HMOX2: variants seen among roughly 807,000 people sequenced by gnomAD.
HMOX2 encodes heme oxygenase (decycling) 2.
A neutral mutation model predicts 33.7 loss-of-function variants in HMOX2; 30 were observed. The observed-to-expected ratio is 0.89, with a 90% CI of 0.67 to 1.21. The LOEUF is 1.21. Among genes scored for constraint, HMOX2 ranks in the 50% most tolerant of loss-of-function variants. The pLI is 0.00. For synonymous variants in HMOX2, 155 were observed against 155.0 expected (o/e 1.00, Z 0.00); for missense variants, 403 against 399.1 (o/e 1.01, Z -0.08).
At chr16:4,486,982 G>A (rs1051948629) in intron 1 of HMOX2, among the ~76,000 whole-genome samples, 1 of 152,202 alleles carries the variant, frequency 6.6e-6, no homozygotes, top group Non-Finnish European at 1.5e-5. Context: ...GCTTGAGGCT[G>A]GGCGTGGTGG....
At chr16:4,476,342 T>A (rs1378410549), upstream of HMOX2, 1 of 152,276 alleles carries the variant, frequency 6.6e-6, no homozygotes, top group Non-Finnish European at 1.5e-5. Context: ...GGGCGTGTCA[T>A]CTCTAGGCCC....
At chr16:4,504,815 G>A (rs564356803) in intron 1 of HMOX2, among the ~76,000 whole-genome samples, 6 of 149,226 alleles carry the variant, frequency 4.0e-5, no homozygotes, top group East Asian at 2.0e-4. Flanking sequence ...TGAGCCTCCC[G>A]AGTAGCTGGG....
chr16:4,488,148 C>T (rs995342093), intron 1 of HMOX2, among the ~76,000 whole-genome samples: 1 of 137,378 alleles, frequency 7.3e-6, no homozygotes, highest in African/African-American at 2.7e-5. Context: ...AAAAAAAAAA[C>T]AGGCTTGAGT....
At chr16:4,501,455 GTGT>G (rs1381193739) in intron 1 of HMOX2, among the ~76,000 whole-genome samples, 2 of 152,180 alleles carry the variant, frequency 1.3e-5, no homozygotes, top group Non-Finnish European at 1.5e-5. Context: ...CTTAGGCTGT[GTGT>G]TGTTTTTTTC....
chr16:4,504,670 T>C (rs1018752724), intron 1 of HMOX2, among the ~76,000 whole-genome samples: 3 of 147,748 alleles, frequency 2.0e-5, no homozygotes, highest in Non-Finnish European at 4.5e-5. Flanking sequence ...TAACTTTTAA[T>C]TTTGATACGG....
intron 1 of HMOX2, among the ~76,000 whole-genome samples, chr16:4,487,019 G>A (rs2141540120): frequency 6.6e-6 from 1 of 152,308 alleles, no homozygotes; most frequent in Admixed American, 6.5e-5. Context: ...CAGTACTTTG[G>A]GAGGCCAAAG....
chr16:4,504,791 G>C (rs1209812021), intron 1 of HMOX2, among the ~76,000 whole-genome samples: 1 of 146,664 alleles, frequency 6.8e-6, no homozygotes, highest in South Asian at 2.2e-4. Flanking sequence ...CTGGGCTCAA[G>C]AGATTCTCCT....
intron 1 of HMOX2, among the ~76,000 whole-genome samples, chr16:4,483,033 AAG>A (rs2058069811): frequency 6.6e-6 from 1 of 152,004 alleles, no homozygotes; most frequent in Non-Finnish European, 1.5e-5. Context: ...AAGAAAAAAA[AAG>A]GATACAGATG....
In HMOX2 at chr16:4,507,808, C is replaced by T. The variant is rs755962384; in HGVS notation, c.300C>T (p.Pro100=). The change falls in exon 4 of 6, where the codon CCC becomes CCT. Residue 100 remains proline (P), a synonymous_variant. Transcript: ENST00000570646. ...DHPAFAPLYF[P]MELHRKEALT... ...CAGCCTTTGCCCCTTTGTACTTCCC[C>T]ATGGAGCTGCACCGGAAGGAGGCGC... is the stretch of plus-strand genomic sequence containing the variant. The T allele has an allele frequency of 6.2e-7, 1 of 1,614,202 alleles. No homozygotes were observed. The highest frequency in any genetic ancestry group is 1.1e-5 in the South Asian group (1 of 91,084).
chr16:4,489,410 G>A (rs964202855), intron 1 of HMOX2, among the ~76,000 whole-genome samples: 33 of 151,970 alleles, frequency 2.2e-4, no homozygotes, highest in African/African-American at 7.0e-4. Flanking sequence ...TCAGCCTCGC[G>A]AGTAGCTGGG....
intron 1 of HMOX2, chr16:4,481,938 G>C (rs890719207): frequency 6.6e-6 from 1 of 152,266 alleles, no homozygotes; most frequent in African/African-American, 2.4e-5. Context: ...AGTGTGGATA[G>C]TAGTGTTTGA....
At chr16:4,498,770 G>A (rs769025447) in intron 1 of HMOX2, among the ~76,000 whole-genome samples, 19 of 152,238 alleles carry the variant, frequency 1.2e-4, no homozygotes, top group Non-Finnish European at 2.2e-4. Flanking sequence ...AAGGGCTTAT[G>A]TATAACATTT....
chr16:4,502,097 G>A (rs1279483108), intron 1 of HMOX2, among the ~76,000 whole-genome samples: 2 of 152,182 alleles, frequency 1.3e-5, no homozygotes, highest in Non-Finnish European at 2.9e-5. Flanking sequence ...GCTCATTTTT[G>A]TATTTCTAGT....
intron 1 of HMOX2, among the ~76,000 whole-genome samples, chr16:4,498,557 T>C (rs1251215374): frequency 3.3e-5 from 5 of 152,014 alleles, no homozygotes; most frequent in Admixed American, 3.3e-4. Context: ...TTATTTTTCG[T>C]AGAGACAAGG....
At chr16:4,505,401 G>A (rs954499646) in intron 1 of HMOX2, 83 bp from the exon 2 acceptor site, 17 of 640,362 alleles carry the variant, frequency 2.7e-5, no homozygotes, top group Admixed American at 5.8e-5. Flanking sequence ...GGTTACATTC[G>A]CTCTGAGGAA....
intron 1 of HMOX2, among the ~76,000 whole-genome samples, chr16:4,501,123 C>T (rs992872746): frequency 4.6e-5 from 7 of 152,094 alleles, no homozygotes; most frequent in African/African-American, 1.2e-4. Context: ...TCCTGTCTCT[C>T]GGTTTCTTTT....
intron 1 of HMOX2, among the ~76,000 whole-genome samples, chr16:4,481,348 C>A (rs867304207): frequency 1.8e-3 from 208 of 113,944 alleles, no homozygotes; most frequent in African/African-American, 3.6e-3. Context: ...GACTCCGTCT[C>A]AAAAAAAAAA....
chr16:4,492,317 C>A (rs1053727860), intron 1 of HMOX2, among the ~76,000 whole-genome samples: 5 of 151,024 alleles, frequency 3.3e-5, no homozygotes, highest in Non-Finnish European at 7.4e-5. Flanking sequence ...CACAGTAAAA[C>A]CCTGTCTCTA....
intron 1 of HMOX2, among the ~76,000 whole-genome samples, chr16:4,504,609 C>G (rs1029070792): frequency 7.9e-5 from 12 of 151,374 alleles, no homozygotes; most frequent in African/African-American, 2.2e-4. Context: ...ATCCACCCAC[C>G]TTGGCCTCCC....
Sources: gnomAD v4.1 joint callset for allele counts (sites outside exome capture counted in the v4.1 genomes callset) on GRCh38, gnomAD v4.1.1 for gene constraint, MANE v1.5 for transcripts, NCBI Gene and HGNC (gene_info 2026-07-23, HGNC 2026-07-21) for gene names.